The following IMMP2L variants were observed in gnomAD, a reference collection of about 807,000 sequenced individuals.
IMMP2L encodes mitochondrial inner membrane protease subunit 2.
In IMMP2L, 18 loss-of-function variants were observed where a neutral mutation model predicts 19.3. The ratio of observed to expected loss-of-function variants is 0.93; its 90% confidence interval spans 0.64 to 1.38. IMMP2L has a LOEUF of 1.38. IMMP2L is among the 40% of genes most tolerant of loss of function. The pLI, the probability that IMMP2L is intolerant of heterozygous loss-of-function variation, is 0.00. For synonymous variants in IMMP2L, 76 were observed against 73.0 expected, an observed-to-expected ratio of 1.04 and a Z score of -0.21; for missense variants, 233 against 218.2, an observed-to-expected ratio of 1.07 and a Z score of -0.43.
intron 3 of IMMP2L, among the ~76,000 whole-genome samples, chr7:111,109,227 A>G (rs897465617): frequency 6.6e-6 from 1 of 152,190 alleles, no homozygotes; most frequent in Admixed American, 6.5e-5. Flanking sequence ...TGCCAGCTAC[A>G]TGATAAACCA....
At chr7:111,438,508 T>C (rs1294803903) in intron 3 of IMMP2L, among the ~76,000 whole-genome samples, 1 of 151,852 alleles carries the variant, frequency 6.6e-6, no homozygotes, top group Non-Finnish European at 1.5e-5. Flanking sequence ...AAAATTCACT[T>C]TTAATCAAAG....
chr7:111,137,037 G>T (rs975703718), intron 3 of IMMP2L, among the ~76,000 whole-genome samples: 5 of 151,984 alleles, frequency 3.3e-5, no homozygotes, highest in African/African-American at 1.2e-4. Flanking sequence ...TAACAGCACA[G>T]AATTAAGAAT....
At position 110,760,326 on chromosome 7, in the gene IMMP2L, A is replaced by G. The variant is rs1248178847; in HGVS notation, c.409-96605T>C. On this transcript the variant is annotated intron_variant, in intron 5 of 5. Coordinates refer to ENST00000405709, the MANE Select transcript of IMMP2L (RefSeq NM_032549.4). The surrounding 1 kb of genome is among the most constrained non-coding windows in gnomAD (Gnocchi z 4.2). ...TAAATTGGAAACTTCTTTTTCTAATAGAGATAATCTGTATAGTGTTCAGGA... is the reference window on the plus strand; with the variant it reads ...TAAATTGGAAACTTCTTTTTCTAATGGAGATAATCTGTATAGTGTTCAGGA... 2.0e-5 allele frequency among the ~76,000 whole-genome samples: 3 copies of G among 152,168 alleles called. No individual in the cohort carries two copies. Among genetic ancestry groups the G allele is most frequent in the Admixed American group, 2.0e-4 (3 of 15,244 alleles).
chr7:111,210,692 G>C (rs1045594088), intron 3 of IMMP2L, among the ~76,000 whole-genome samples: 1 of 151,932 alleles, frequency 6.6e-6, no homozygotes, highest in African/African-American at 2.4e-5. Context: ...AGACTGCCCT[G>C]AAGGGAAGGT....
chr7:110,752,838 C>G (rs570676939), intron 5 of IMMP2L, among the ~76,000 whole-genome samples: 1 of 152,128 alleles, frequency 6.6e-6, no homozygotes, highest in East Asian at 1.9e-4. Context: ...TGTAGTAAGA[C>G]AAACATCACA....
chr7:110,771,710 A>G (rs1188806064), intron 5 of IMMP2L, among the ~76,000 whole-genome samples: 1 of 152,176 alleles, frequency 6.6e-6, no homozygotes, highest in Admixed American at 6.5e-5. Context: ...AAAAACATCA[A>G]CACAAAACCC....
At chr7:111,381,545 T>C (rs376458870) in intron 3 of IMMP2L, among the ~76,000 whole-genome samples, 1 of 151,954 alleles carries the variant, frequency 6.6e-6, no homozygotes, top group Non-Finnish European at 1.5e-5. Context: ...TACATCTCAA[T>C]TGGACAGTAC....
chr7:110,873,013 A>C (rs949522983), intron 5 of IMMP2L, among the ~76,000 whole-genome samples: 4 of 152,204 alleles, frequency 2.6e-5, no homozygotes, highest in Non-Finnish European at 4.4e-5. Flanking sequence ...AAGTGAAGTG[A>C]CTTGTGATAT....
rs1200854240 is a variant in IMMP2L, at chr7:111,457,570, T to C, written c.239+29668A>G. ...AACATTTTACTGACCTATAACTTAC[T>C]TTTTCATACATGGCAAAACTATATT... On this transcript the variant is annotated intron_variant, in intron 3 of 5. Coordinates refer to ENST00000405709, the MANE Select transcript of IMMP2L (RefSeq NM_032549.4). Among the ~76,000 whole-genome samples, 14 of 151,978 alleles carry C rather than the reference T, an allele frequency of 9.2e-5. 1 individual carries two copies. The East Asian group carries it at 2.7e-3, about 29-fold the overall frequency.
At chr7:110,822,017 A>C (rs1178572395) in intron 5 of IMMP2L, among the ~76,000 whole-genome samples, 1 of 152,112 alleles carries the variant, frequency 6.6e-6, no homozygotes, top group Non-Finnish European at 1.5e-5. Context: ...CAGTCAACTG[A>C]ATGTTTAGCA....
At chr7:111,202,319 A>T (rs1032429188) in intron 3 of IMMP2L, among the ~76,000 whole-genome samples, 8 of 152,164 alleles carry the variant, frequency 5.3e-5, no homozygotes, top group African/African-American at 1.9e-4. Context: ...GCTGGCCCCT[A>T]AGTCCACCAT....
chr7:111,384,375 A>C (rs145984550), intron 3 of IMMP2L, among the ~76,000 whole-genome samples: 1 of 152,048 alleles, frequency 6.6e-6, no homozygotes, highest in East Asian at 1.9e-4. Flanking sequence ...GGGGAATTGT[A>C]TCTCCACTAG....
chr7:111,293,938 G>C (rs950462775), intron 3 of IMMP2L, among the ~76,000 whole-genome samples: 5 of 151,842 alleles, frequency 3.3e-5, no homozygotes, highest in Non-Finnish European at 5.9e-5. Flanking sequence ...CAAGTTAGTA[G>C]GTCATCACTA....
intron 3 of IMMP2L, among the ~76,000 whole-genome samples, chr7:111,168,357 C>T (rs1475323918): frequency 6.6e-6 from 1 of 151,568 alleles, no homozygotes; most frequent in African/African-American, 2.4e-5. Flanking sequence ...AACCAAATTC[C>T]CCGTGGTCCC....
intron 3 of IMMP2L, among the ~76,000 whole-genome samples, chr7:111,415,184 T>G (rs1259843494): frequency 6.6e-6 from 1 of 151,746 alleles, no homozygotes; most frequent in East Asian, 1.9e-4. Context: ...ATAGGAGCCA[T>G]GTAGCAAGGA....
chr7:110,727,691 G>A lies in IMMP2L; in HGVS notation c.409-63970C>T, dbSNP rs917092622. Among the ~76,000 whole-genome samples, 1 of 152,098 alleles carries A rather than the reference G, an allele frequency of 6.6e-6. No individual in the cohort carries two copies. On this transcript the variant is annotated intron_variant, in intron 5 of 5. Coordinates refer to ENST00000405709, the MANE Select transcript of IMMP2L (RefSeq NM_032549.4). This position sits in a 1 kb window ranked among gnomAD's most constrained non-coding sequence, Gnocchi z 4.3. ...AATATTAGAATATTAAATATAACATGAGCTAGATATTTAAATTATTAAATT... is the reference window on the plus strand; with the variant it reads ...AATATTAGAATATTAAATATAACATAAGCTAGATATTTAAATTATTAAATT...
At chr7:111,437,631 T>C (rs1168174263) in intron 3 of IMMP2L, among the ~76,000 whole-genome samples, 1 of 151,956 alleles carries the variant, frequency 6.6e-6, no homozygotes, top group East Asian at 1.9e-4. Flanking sequence ...ACCAGTTCTT[T>C]TCATTTTACT....
At chr7:110,982,007 G>A (rs1296306380) in intron 3 of IMMP2L, among the ~76,000 whole-genome samples, 1 of 152,056 alleles carries the variant, frequency 6.6e-6, no homozygotes, top group Non-Finnish European at 1.5e-5. Flanking sequence ...CTGATAGTAG[G>A]GCATTTTATT....
intron 4 of IMMP2L, among the ~76,000 whole-genome samples, chr7:110,958,742 T>A (rs1205596811): frequency 6.6e-6 from 1 of 152,076 alleles, no homozygotes; most frequent in Non-Finnish European, 1.5e-5. Context: ...GTCTGTCATG[T>A]GGATAGGTCC....
Sources: allele counts gnomAD v4.1 joint callset (sites outside exome capture counted in the v4.1 genomes callset), GRCh38; gene constraint gnomAD v4.1.1; non-coding constraint Gnocchi (gnomAD v3.1); transcripts MANE v1.5; gene names NCBI Gene and HGNC (gene_info 2026-07-23, HGNC 2026-07-21).